The following MAML2 variants were observed in gnomAD, a reference collection of about 807,000 sequenced individuals.
MAML2 encodes the protein mastermind like transcriptional coactivator 2.
Under a neutral mutation model 96.1 loss-of-function variants are expected in MAML2, and 22 were observed. The ratio of observed to expected loss-of-function variants is 0.23; its 90% CI spans 0.16 to 0.33. MAML2 has a LOEUF of 0.33. Among genes scored for constraint, MAML2 ranks in the 10% least tolerant of loss-of-function variants. MAML2 has a pLI of 1.00. For missense variants in MAML2, 1,367 were observed against 1,392.4 expected (o/e 0.98, Z 0.29); for synonymous variants, 561 against 521.3 (o/e 1.08, Z -1.04).
At chr11:96,012,376 G>A (rs1475254713) in intron 2 of MAML2, among the ~76,000 whole-genome samples, 2 of 152,186 alleles carry the variant, frequency 1.3e-5, no homozygotes, top group South Asian at 2.1e-4. Context: ...ATCATTAAGC[G>A]GTTCCCTGTT....
intron 1 of MAML2, among the ~76,000 whole-genome samples, chr11:96,252,146 T>A (rs1175376317): frequency 2.0e-5 from 3 of 152,006 alleles, no homozygotes; most frequent in Non-Finnish European, 4.4e-5. Context: ...CTCGTTATGC[T>A]GTTGGGAAAT....
Position 96,341,768 on chromosome 11 carries a change from C to G in MAML2, c.128G>C (p.Arg43Pro). 6.2e-7 allele frequency: 1 copy of G among 1,612,322 alleles called. No homozygotes were observed. The highest frequency in any genetic ancestry group is 1.7e-5 in the Admixed American group (1 of 59,936). ...GTGGTGTTGGCGGCAGACAGCGATC[C>G]GAGCCCGGAGGCGCTCCACGATAGC... is the stretch of plus-strand genomic sequence containing the variant. ...HSAIVERLRA[R>P]IAVCRQHHLS... Residue 43 changes from arginine (R) to proline (P), a missense_variant, in exon 1 of 5, where the codon CGG becomes CCG. Coordinates refer to ENST00000524717, the MANE Select transcript of MAML2 (RefSeq NM_032427.4).
rs113539130 is a variant in MAML2 at position 96,339,241 on chromosome 11, G to A, written c.513+2142C>T. Among the ~76,000 whole-genome samples the A allele has an allele frequency of 3.0e-3, 463 of 152,320 alleles. 3 individuals are homozygous for A. The highest frequency in any genetic ancestry group is 0.01 in the African/African-American group (426 of 41,564). ...AGAAAGATTCCCTCTTAGGCCAGAG[G>A]TAGCACAGCAGCCAGCTATGGCTTC... On this transcript the variant is annotated intron_variant, in intron 1 of 4. Coordinates refer to ENST00000524717, the MANE Select transcript of MAML2 (RefSeq NM_032427.4).
intron 2 of MAML2, among the ~76,000 whole-genome samples, chr11:96,079,909 C>G (rs12364044): frequency 0.36 from 54,332 of 152,022 alleles, 11,200 homozygotes; most frequent in South Asian, 0.49. Context: ...TGTGGCTGGG[C>G]ACAGAGGGCT....
At chr11:96,097,949 A>G (rs1419586764) in intron 1 of MAML2, among the ~76,000 whole-genome samples, 1 of 152,220 alleles carries the variant, frequency 6.6e-6, no homozygotes, top group Non-Finnish European at 1.5e-5. Context: ...GCCAGCCCAG[A>G]CATGTCTCGT....
chr11:96,058,639 C>A (rs949713372), intron 2 of MAML2, among the ~76,000 whole-genome samples: 2 of 152,140 alleles, frequency 1.3e-5, no homozygotes, highest in Non-Finnish European at 2.9e-5. Flanking sequence ...TAAACAAGAG[C>A]GAGATTGCCT....
chr11:96,067,861 A>G (rs1420972138), intron 2 of MAML2, among the ~76,000 whole-genome samples: 2 of 152,224 alleles, frequency 1.3e-5, no homozygotes, highest in Admixed American at 6.5e-5. Flanking sequence ...TTGTGTTTTC[A>G]AATTGCTGAT....
rs146078610 is a variant in MAML2 at position 96,112,730 on chromosome 11, C to T, written c.514-19213G>A. On this transcript the variant is annotated intron_variant, in intron 1 of 4. Coordinates refer to ENST00000524717, the MANE Select transcript of MAML2 (RefSeq NM_032427.4). Reference sequence around the variant, plus strand: ...TGTCTGATATCTATGCATTAGCCATCCCTTTCTTCCATAAGCCTATTAATT... The same window carrying T: ...TGTCTGATATCTATGCATTAGCCATTCCTTTCTTCCATAAGCCTATTAATT... Among the ~76,000 whole-genome samples, 989 of 152,334 alleles carry T rather than the reference C, an allele frequency of 6.5e-3. 4 individuals carry two copies. The highest frequency in any genetic ancestry group is 9.9e-3 in the Non-Finnish European group (675 of 68,038).
intron 3 of MAML2, 138 bp from the exon 4 acceptor site, chr11:95,985,780 GT>G (rs1857815635): frequency 1.8e-6 from 1 of 569,504 alleles, no homozygotes; most frequent in African/African-American, 1.9e-5. Context: ...ACCTTATTTT[GT>G]AGTCTTAATT....
chr11:96,295,624 C>T (rs1863284246), intron 1 of MAML2, among the ~76,000 whole-genome samples: 3 of 152,002 alleles, frequency 2.0e-5, no homozygotes, highest in Admixed American at 2.0e-4. Flanking sequence ...GATAAAATCC[C>T]AACTGAGTAT....
At chr11:96,250,004 C>T (rs1862560262) in intron 1 of MAML2, among the ~76,000 whole-genome samples, 1 of 152,162 alleles carries the variant, frequency 6.6e-6, no homozygotes, top group Admixed American at 6.6e-5. Flanking sequence ...GCTAGAGCCT[C>T]CCTGCAATTC....
rs574394357 is a variant in MAML2, at chr11:95,978,860, T to C, written c.*88A>G. 4.8e-4 allele frequency: 571 copies of C among 1,201,528 alleles called. No individual in the cohort carries two copies. The highest frequency in any genetic ancestry group is 5.2e-4 in the Non-Finnish European group (454 of 876,784). The allele number at this position is 1,201,528 out of a possible 1,614,324, so 74.4% of individuals were successfully genotyped here. On this transcript the variant is annotated 3_prime_UTR_variant, in exon 5 of 5. Coordinates refer to ENST00000524717, the MANE Select transcript of MAML2 (RefSeq NM_032427.4). Reference sequence around the variant, plus strand: ...GCATGTTATCTTCATGTAGTCCACCTGAACATCAACAGTTCAGCCTCTACA... The same window carrying C: ...GCATGTTATCTTCATGTAGTCCACCCGAACATCAACAGTTCAGCCTCTACA...
chr11:96,264,582 T>C (rs760418213), intron 1 of MAML2, among the ~76,000 whole-genome samples: 3 of 152,206 alleles, frequency 2.0e-5, no homozygotes, highest in Non-Finnish European at 2.9e-5. Context: ...GGGCAAGGCA[T>C]TTCCATTTTC....
chr11:96,303,379 T>G (rs1863416260), intron 1 of MAML2, among the ~76,000 whole-genome samples: 1 of 152,204 alleles, frequency 6.6e-6, no homozygotes, highest in South Asian at 2.1e-4. Flanking sequence ...GCTGTTTCCT[T>G]TGGTAATCTT....
chr11:96,096,325 T>C (rs1026209094), intron 1 of MAML2, among the ~76,000 whole-genome samples: 1 of 152,222 alleles, frequency 6.6e-6, no homozygotes, highest in South Asian at 2.1e-4. Flanking sequence ...AATTGTATAA[T>C]AATGAGTCAT....
At chr11:96,004,314 C>A (rs1009620490) in intron 2 of MAML2, among the ~76,000 whole-genome samples, 5 of 152,170 alleles carry the variant, frequency 3.3e-5, no homozygotes, top group Admixed American at 6.5e-5. Context: ...GAAAGAAAAT[C>A]ACTTTTAAAG....
chr11:96,195,958 G>A (rs1861724548), intron 1 of MAML2, among the ~76,000 whole-genome samples: 1 of 152,128 alleles, frequency 6.6e-6, no homozygotes, highest in Non-Finnish European at 1.5e-5. Context: ...AGTGGGTTGT[G>A]TTTATAGAAT....
chr11:96,137,691 C>T (rs1484320367), intron 1 of MAML2, among the ~76,000 whole-genome samples: 1 of 152,064 alleles, frequency 6.6e-6, no homozygotes, highest in Non-Finnish European at 1.5e-5. Context: ...GTCTGAAAGA[C>T]GGTGGGCAGG....
chr11:96,267,581 A>G (rs1862847055), intron 1 of MAML2, among the ~76,000 whole-genome samples: 1 of 152,368 alleles, frequency 6.6e-6, no homozygotes, highest in African/African-American at 2.4e-5. Context: ...TTCACTTCAC[A>G]TTCTAGGTTC....
Sources: gnomAD v4.1 joint callset for allele counts (sites outside exome capture counted in the v4.1 genomes callset) on GRCh38, gnomAD v4.1.1 for gene constraint, MANE v1.5 for transcripts, NCBI Gene and HGNC (gene_info 2026-07-23, HGNC 2026-07-21) for gene names.